Variants in DTWD2 observed in about 807,000 individuals in gnomAD.
The protein encoded by DTWD2 is DTW motif tRNA-uridine aminocarboxypropyltransferase 2, also known as tRNA-uridine aminocarboxypropyltransferase 2.
A neutral mutation model predicts 31.8 loss-of-function variants in DTWD2; 39 were observed. The ratio of observed to expected loss-of-function variants is 1.22; its 90% CI spans 0.95 to 1.60. DTWD2 has a LOEUF of 1.60. Among genes scored for constraint, DTWD2 ranks in the 40% most tolerant of loss-of-function variants. The probability of loss-of-function intolerance (pLI) is 0.00; values close to 1 mark genes in which losing one functional copy is unlikely to be tolerated. For missense variants in DTWD2, 515 were observed against 381.5 expected (o/e 1.35, Z -2.92); for synonymous variants, 180 against 142.8 (o/e 1.26, Z -1.86).
chr5:118,955,122 G>A (rs779713065), intron 1 of DTWD2, among the ~76,000 whole-genome samples: 29 of 152,220 alleles, frequency 1.9e-4, no homozygotes, highest in Admixed American at 4.6e-4. Flanking sequence ...CACTATAAGC[G>A]TGATTTAACC....
chr5:118,872,446 T>C (rs1171826417), intron 4 of DTWD2, among the ~76,000 whole-genome samples: 1 of 152,210 alleles, frequency 6.6e-6, no homozygotes, highest in Non-Finnish European at 1.5e-5. Flanking sequence ...ACTCTTCCTT[T>C]CACTTGAACG....
intron 1 of DTWD2, among the ~76,000 whole-genome samples, chr5:118,965,745 C>T (rs74508117): frequency 5.9e-5 from 9 of 152,156 alleles, no homozygotes; most frequent in African/African-American, 2.2e-4. Flanking sequence ...GCAGCATGCT[C>T]GTTAAGAGTC....
At position 118,939,241 on chromosome 5, in the gene DTWD2, T is replaced by C; in HGVS notation, c.359A>G (p.Gln120Arg). The change falls in exon 3 of 6, where the codon CAG (glutamine) becomes CGG (arginine). Residue 120 changes from glutamine (Q) to arginine (R), a missense_variant. Coordinates refer to ENST00000510708, the MANE Select transcript of DTWD2 (RefSeq NM_173666.4). ...TVPLLAACLP[Q>R]DKCKVKIGRR... ...ACCGATCTTCACTTTACACTTGTCCTGGGGGAGGCATGCTGCTAGTAGAGG... is the reference window on the plus strand; with the variant it reads ...ACCGATCTTCACTTTACACTTGTCCCGGGGGAGGCATGCTGCTAGTAGAGG... 4 of 1,604,088 alleles carry C rather than the reference T, an allele frequency of 2.5e-6. 1 individual carries two copies. Among genetic ancestry groups the C allele is most frequent in the South Asian group, 2.2e-5 (2 of 89,554 alleles).
At chr5:118,986,147 C>G (rs1424457846) in intron 1 of DTWD2, among the ~76,000 whole-genome samples, 1 of 151,892 alleles carries the variant, frequency 6.6e-6, no homozygotes, top group Admixed American at 6.6e-5. Flanking sequence ...TCAAATAATG[C>G]TAATGATACA....
intron 4 of DTWD2, among the ~76,000 whole-genome samples, chr5:118,888,901 TAATA>T (rs1752922598): frequency 6.6e-6 from 1 of 152,226 alleles, no homozygotes; most frequent in African/African-American, 2.4e-5. Flanking sequence ...ATATCTTCAC[TAATA>T]AAGTGTATGT....
chr5:118,922,971 T>A (rs913744398), intron 4 of DTWD2, among the ~76,000 whole-genome samples: 6 of 152,218 alleles, frequency 3.9e-5, no homozygotes, highest in African/African-American at 1.4e-4. Flanking sequence ...AAGTTTTTAT[T>A]CTTATTCTTT....
intron 4 of DTWD2, among the ~76,000 whole-genome samples, chr5:118,878,388 C>T (rs1224219482): frequency 6.6e-6 from 1 of 152,068 alleles, no homozygotes; most frequent in Non-Finnish European, 1.5e-5. Context: ...CTTTGTCAAA[C>T]CTCACAAAAA....
chr5:118,934,525 T>C (rs1279078398), intron 3 of DTWD2, among the ~76,000 whole-genome samples: 2 of 151,874 alleles, frequency 1.3e-5, no homozygotes, highest in Middle Eastern at 3.2e-3. Context: ...TAAACAGTGA[T>C]AAAGTAAGAA....
chr5:118,970,524 T>G (rs910370831), intron 1 of DTWD2, among the ~76,000 whole-genome samples: 1 of 152,192 alleles, frequency 6.6e-6, no homozygotes, highest in Non-Finnish European at 1.5e-5. Flanking sequence ...CTGGGGTACC[T>G]GAAAGAGACA....
At chr5:118,982,791 C>T (rs908746138) in intron 1 of DTWD2, among the ~76,000 whole-genome samples, 8 of 149,788 alleles carry the variant, frequency 5.3e-5, no homozygotes, top group Admixed American at 2.0e-4. Context: ...CAAGTTCAAG[C>T]GATTCTCCTG....
intron 4 of DTWD2, among the ~76,000 whole-genome samples, chr5:118,897,673 C>T (rs1753112493): frequency 6.6e-6 from 1 of 152,120 alleles, no homozygotes; most frequent in Non-Finnish European, 1.5e-5. Flanking sequence ...GTGTTAAAAA[C>T]AATACAGACC....
chr5:118,840,122 G>C lies in DTWD2; in HGVS notation c.*795C>G, dbSNP rs1751676069. 1 of 152,072 alleles carries C rather than the reference G, an allele frequency of 6.6e-6. No individual in the cohort carries two copies. 9.4% of individuals were successfully genotyped at this position (152,072 alleles called of 1,614,324 possible). A position where few individuals can be genotyped will look rare whatever the true frequency, so the allele number is the denominator to read the frequency against. ...TTTTTCTCTCAAATGGAAAGTTTTTGCTCGTTAAAAAGGTTATATTAAATA... is the reference window on the plus strand; with the variant it reads ...TTTTTCTCTCAAATGGAAAGTTTTTCCTCGTTAAAAAGGTTATATTAAATA... On this transcript the variant is annotated 3_prime_UTR_variant, in exon 6 of 6. Coordinates refer to ENST00000510708, the MANE Select transcript of DTWD2 (RefSeq NM_173666.4).
chr5:118,979,372 T>C (rs1755240937), intron 1 of DTWD2, among the ~76,000 whole-genome samples: 3 of 151,996 alleles, frequency 2.0e-5, no homozygotes, highest in African/African-American at 7.3e-5. Flanking sequence ...CTGGTGAGGT[T>C]GTGGAGAAAA....
chr5:118,856,432 C>T (rs978406916), intron 4 of DTWD2, among the ~76,000 whole-genome samples: 2 of 151,994 alleles, frequency 1.3e-5, no homozygotes, highest in African/African-American at 4.8e-5. Flanking sequence ...AAGTTATTTG[C>T]TATTATAAAC....
At chr5:118,918,324 GT>G (rs926433655) in intron 4 of DTWD2, among the ~76,000 whole-genome samples, 3 of 147,884 alleles carry the variant, frequency 2.0e-5, no homozygotes, top group East Asian at 1.9e-4. Flanking sequence ...TATCAGTCAG[GT>G]TTTTTTTTAT....
At position 118,988,329 on chromosome 5, in the gene DTWD2, C is replaced by T. The variant is rs769270405; in HGVS notation, c.183G>A (p.Glu61=). 1.9e-6 allele frequency: 3 copies of T among 1,542,804 alleles called. No individual in the cohort carries two copies. The South Asian group carries it at 3.6e-5, about 18-fold the overall frequency. ...TGCACTCAGGCCTCCGCTCGGCCGG[C>T]TCCACCGGCAGCTCCCACAGCCCGT... is the stretch of plus-strand genomic sequence containing the variant. ...SADGLWELPV[E]PAERRPECTR... is the part of the protein sequence containing the mutation. Residue 61 remains glutamate (E), a synonymous_variant, in exon 1 of 6, where the codon GAG becomes GAA. Coordinates refer to ENST00000510708, the MANE Select transcript of DTWD2 (RefSeq NM_173666.4).
intron 4 of DTWD2, among the ~76,000 whole-genome samples, chr5:118,871,939 G>A (rs2099093): frequency 0.028 from 4,257 of 152,278 alleles, 72 homozygotes; most frequent in Middle Eastern, 0.044. Context: ...ACTGTTTAGT[G>A]TAGACACCTG....
intron 4 of DTWD2, among the ~76,000 whole-genome samples, chr5:118,850,013 C>T (rs1041726308): frequency 1.4e-5 from 2 of 145,058 alleles, no homozygotes; most frequent in African/African-American, 5.1e-5. Context: ...GAACTTAGAG[C>T]ATAATAATAA....
intron 1 of DTWD2, among the ~76,000 whole-genome samples, chr5:118,983,172 G>A (rs888296084): frequency 6.6e-6 from 1 of 152,120 alleles, no homozygotes; most frequent in Admixed American, 6.5e-5. Context: ...AATGCCTATA[G>A]GGGGCCAGCA....
Sources: allele counts gnomAD v4.1 joint callset (sites outside exome capture counted in the v4.1 genomes callset), GRCh38; gene constraint gnomAD v4.1.1; transcripts MANE v1.5; gene names NCBI Gene and HGNC (gene_info 2026-07-23, HGNC 2026-07-21).